NIPA1: variants seen among roughly 807,000 people sequenced by gnomAD.
NIPA1 encodes the protein magnesium transporter NIPA1.
NIPA1 carries 13 observed loss-of-function variants against 23.9 expected under a neutral mutation model. The observed-to-expected ratio is 0.54, with a 90% CI of 0.35 to 0.87. NIPA1 has a LOEUF of 0.87. NIPA1 is among the 40% of genes least tolerant of loss of function. The probability of loss-of-function intolerance (pLI) is 0.01; values close to 1 mark genes in which losing one functional copy is unlikely to be tolerated. For synonymous variants in NIPA1, 234 were observed against 202.9 expected (o/e 1.15, Z -1.30); for missense variants, 362 against 429.7 (o/e 0.84, Z 1.39).
At chr15:22,802,224 T>A (rs1895098784) in intron 1 of NIPA1, among the ~76,000 whole-genome samples, 1 of 151,912 alleles carries the variant, frequency 6.6e-6, no homozygotes, top group South Asian at 2.1e-4. Flanking sequence ...AAACCCTGTC[T>A]CTACTAAAAA....
At chr15:22,807,782 T>TTGTGTGTGTGTGTGTGTGTGTGTGTG (rs71117484) in intron 1 of NIPA1, among the ~76,000 whole-genome samples, 5,034 of 145,768 alleles carry the variant, frequency 0.035, 112 homozygotes, top group African/African-American at 0.045. Context: ...TTAAATTCAC[T>TTGTGTGTGTGTGTGTGTGTGTGTGTG]TGTGTGTGTG....
At chr15:22,810,724 A>G in intron 1 of NIPA1, 25 bp from the exon 2 acceptor site, 1 of 1,539,020 alleles carries the variant, frequency 6.5e-7, no homozygotes, top group Non-Finnish European at 9.0e-7. Context: ...CACTTTTCTG[A>G]CATTTTTTAT....
chr15:22,811,239 T>C (rs558627364), intron 2 of NIPA1, among the ~76,000 whole-genome samples: 3 of 152,294 alleles, frequency 2.0e-5, no homozygotes, highest in East Asian at 1.9e-4. Context: ...TGTGCTATAA[T>C]GTAAAGATAA....
chr15:22,823,696 C>T (rs548226315), intron 4 of NIPA1, 32 bp from the exon 5 acceptor site: 20 of 1,579,562 alleles, frequency 1.3e-5, no homozygotes, highest in Middle Eastern at 3.9e-4. Context: ...TAGGCGGTGG[C>T]TCCGGGTGAC....
Position 22,823,855 on chromosome 15 carries a change from C to T in NIPA1, c.606C>T (p.Thr202=), listed in dbSNP as rs532211468. ...ISICSLLGSF[T]VPSTKGIGLA... is the part of the protein sequence containing the mutation. ...TCTGCTCCTTGCTGGGCAGTTTCAC[C>T]GTGCCTTCCACCAAGGGCATCGGGC... Residue 202 remains threonine (T), a synonymous_variant, in exon 5 of 5, where the codon ACC becomes ACT. Coordinates refer to ENST00000337435, the MANE Select transcript of NIPA1 (RefSeq NM_144599.5). 22 of 1,614,144 alleles carry T rather than the reference C, an allele frequency of 1.4e-5. No individual in the cohort carries two copies. Among genetic ancestry groups the T allele is most frequent in the African/African-American group, 8.0e-5 (6 of 75,060 alleles).
In NIPA1 at chr15:22,828,534, C is replaced by A. The variant is rs1310333017; in HGVS notation, c.*4295C>A. On this transcript the variant is annotated 3_prime_UTR_variant, in exon 5 of 5. Transcript: ENST00000337435. ...ACAGCAGTGAGAATTTGGCCCACTA[C>A]CACGACTCATTTGTTTCATTCACAT... 5 of 152,544 alleles carry A rather than the reference C, an allele frequency of 3.3e-5. No homozygotes were observed. The East Asian group carries it at 9.6e-4, about 29-fold the overall frequency. 9.4% of individuals were successfully genotyped at this position (152,544 alleles called of 1,614,324 possible). A position where few individuals can be genotyped will look rare whatever the true frequency, so the allele number is the denominator to read the frequency against.
rs1304634280 is a variant in NIPA1, at chr15:22,786,742, C to G, written c.86C>G (p.Ser29Trp). ...GARSPSPAAV[S>W]LGLGVAVVSS... ...CGTAGCCCGAGCCCCGCCGCCGTGT[C>G]GCTCGGCCTGGGCGTGGCCGTCGTG... is the stretch of plus-strand genomic sequence containing the variant. The change falls in exon 1 of 5, where the codon TCG becomes TGG. Residue 29 changes from serine to tryptophan, a missense_variant. By Grantham distance (177) the Ser-to-Trp change is radical. Coordinates refer to ENST00000337435, the MANE Select transcript of NIPA1 (RefSeq NM_144599.5). The G allele has an allele frequency of 1.1e-5, 14 of 1,277,586 alleles. No individual in the cohort carries two copies. Among genetic ancestry groups the G allele is most frequent in the Non-Finnish European group, 1.4e-5 (14 of 992,244 alleles). The allele number at this position is 1,277,586 out of a possible 1,614,324, so 79.1% of individuals were successfully genotyped here.
chr15:22,810,254 T>G (rs1566783859), intron 1 of NIPA1, among the ~76,000 whole-genome samples: 2 of 152,030 alleles, frequency 1.3e-5, no homozygotes, highest in Admixed American at 6.6e-5. Flanking sequence ...CAGGTGAGTG[T>G]AAGGATGTGG....
At chr15:22,809,109 G>A (rs1433246491) in intron 1 of NIPA1, among the ~76,000 whole-genome samples, 4 of 152,140 alleles carry the variant, frequency 2.6e-5, no homozygotes, top group Non-Finnish European at 2.9e-5. Flanking sequence ...TACTGTGGCT[G>A]GGCACGGTGA....
At chr15:22,816,373 G>A (rs1595643441) in intron 3 of NIPA1, among the ~76,000 whole-genome samples, 1 of 150,800 alleles carries the variant, frequency 6.6e-6, no homozygotes, top group South Asian at 2.1e-4. Context: ...ATTTTTAGTA[G>A]AGACGGGGTT....
At chr15:22,807,799 T>TGTGTGTGTGTGTGTGTGTGTGTGA (rs140818178) in intron 1 of NIPA1, among the ~76,000 whole-genome samples, 57 of 151,918 alleles carry the variant, frequency 3.8e-4, no homozygotes, top group African/African-American at 1.0e-3. Flanking sequence ...TGTGTGTGTG[T>TGTGTGTGTGTGTGTGTGTGTGTGA]GTGTGATGGA....
rs905296655 is a variant in NIPA1, at chr15:22,788,498, C to CAAAA, written c.178+1678_178+1681dup. Among the ~76,000 whole-genome samples the CAAAA allele has an allele frequency of 1.2e-4, 11 of 89,588 alleles. 1 individual carries two copies. The highest frequency in any genetic ancestry group is 1.9e-4 in the Non-Finnish European group (8 of 42,808). 58.8% of individuals were successfully genotyped at this position (89,588 alleles called of 152,430 possible). On this transcript the variant is annotated intron_variant, in intron 1 of 4. Transcript: ENST00000337435. Reference sequence around the variant, plus strand: ...TGGGCGGCAGAGCAAGACTCCATCTCAAAAAAAAAAAAAAAAATCTTGCAG... The same window carrying CAAAA: ...TGGGCGGCAGAGCAAGACTCCATCTCAAAAAAAAAAAAAAAAAAAAATCTTGCAG...
chr15:22,804,624 G>C (rs1263301512), intron 1 of NIPA1, among the ~76,000 whole-genome samples: 1 of 152,122 alleles, frequency 6.6e-6, no homozygotes, highest in Non-Finnish European at 1.5e-5. Flanking sequence ...TGAGTTACAG[G>C]ATGGTCTGAG....
chr15:22,818,896 C>T (rs1017603588), intron 3 of NIPA1, among the ~76,000 whole-genome samples: 5 of 152,176 alleles, frequency 3.3e-5, no homozygotes, highest in African/African-American at 7.2e-5. Flanking sequence ...TGTCCACTTT[C>T]GTGCATGGCA....
Position 22,810,747 on chromosome 15 carries a change from A to C in NIPA1, c.179-2A>C. On this transcript the variant is annotated splice_acceptor_variant, in intron 1 of 4. Coordinates refer to ENST00000337435, the MANE Select transcript of NIPA1 (RefSeq NM_144599.5). LOFTEE classifies it high-confidence loss of function. ...TGACATTTTTTATCTCATTTTTTAT[A>C]GGTACTTCCTATTTAACAGACATTG... The C allele has an allele frequency of 6.3e-7, 1 of 1,597,644 alleles. No homozygotes were observed. The highest frequency in any genetic ancestry group is 1.1e-5 in the South Asian group (1 of 90,756).
At position 22,823,936 on chromosome 15, in the gene NIPA1, G is replaced by A. The variant is rs1895597321; in HGVS notation, c.687G>A (p.Leu229=). 3 of 1,614,088 alleles carry A rather than the reference G, an allele frequency of 1.9e-6. No individual in the cohort carries two copies. The highest frequency in any genetic ancestry group is 2.2e-5 in the South Asian group (2 of 91,086). Residue 229 remains leucine, a synonymous_variant, in exon 5 of 5, where the codon CTG becomes CTA. Coordinates refer to ENST00000337435, the MANE Select transcript of NIPA1 (RefSeq NM_144599.5). ...NNPSSQRALC[L]CLVLLAVLGC... ...CGTCCAGTCAGAGAGCCCTCTGCCT[G>A]TGCCTGGTACTCCTGGCCGTGCTCG...
chr15:22,814,264 G>GTT (rs535968433), intron 3 of NIPA1: 206 of 250,676 alleles, frequency 8.2e-4, no homozygotes, highest in South Asian at 2.1e-3. Flanking sequence ...TTTTTTTTTT[G>GTT]TTTTTTTTTT....
intron 2 of NIPA1, chr15:22,811,131 CG>C (rs1418965132): frequency 9.5e-6 from 3 of 317,450 alleles, no homozygotes; most frequent in Non-Finnish European, 1.8e-5. Flanking sequence ...CTCATGTAGT[CG>C]GGCTGTTGGC....
intron 3 of NIPA1, among the ~76,000 whole-genome samples, chr15:22,814,453 G>A (rs1050247578): frequency 1.3e-5 from 2 of 151,940 alleles, no homozygotes; most frequent in African/African-American, 4.8e-5. Flanking sequence ...TCCGCCCGCC[G>A]TCCTCCCAGA....
Sources: allele counts gnomAD v4.1 joint callset (sites outside exome capture counted in the v4.1 genomes callset), GRCh38; gene constraint gnomAD v4.1.1; transcripts MANE v1.5; gene names NCBI Gene and HGNC (gene_info 2026-07-23, HGNC 2026-07-21).